ABTB2: variants seen among roughly 807,000 people sequenced by gnomAD.
ABTB2 encodes the protein ankyrin repeat and BTB/POZ domain-containing protein 2.
In ABTB2, 56 loss-of-function variants were observed where a neutral mutation model predicts 104.1. The ratio of observed to expected loss-of-function variants is 0.54; its 90% CI spans 0.43 to 0.67. The LOEUF is 0.67. ABTB2 is among the 30% of genes least tolerant of loss of function. The pLI is 0.00. For missense variants in ABTB2, 1,279 were observed against 1,407.7 expected (o/e 0.91, Z 1.46); for synonymous variants, 606 against 608.2 (o/e 1.00, Z 0.05).
At chr11:34,318,738 G>T (rs1000444259) in intron 1 of ABTB2, among the ~76,000 whole-genome samples, 1 of 152,206 alleles carries the variant, frequency 6.6e-6, no homozygotes, top group African/African-American at 2.4e-5. Flanking sequence ...AATGCCAGCT[G>T]GGGAGTCAGA....
chr11:34,215,382 G>A (rs569001816), intron 1 of ABTB2, among the ~76,000 whole-genome samples: 1 of 152,358 alleles, frequency 6.6e-6, no homozygotes, highest in Admixed American at 6.5e-5. Flanking sequence ...TTAAGGAAAA[G>A]ATGCAAACAT....
At chr11:34,235,852 G>A (rs1853836120) in intron 1 of ABTB2, among the ~76,000 whole-genome samples, 1 of 152,190 alleles carries the variant, frequency 6.6e-6, no homozygotes, top group African/African-American at 2.4e-5. Context: ...CCCAGGTAAG[G>A]AGACCAAGCT....
chr11:34,181,467 C>T (rs942735077), intron 3 of ABTB2, among the ~76,000 whole-genome samples: 3 of 152,120 alleles, frequency 2.0e-5, no homozygotes, highest in Admixed American at 2.0e-4. Flanking sequence ...CCACATGACC[C>T]GGGCCCCAAG....
intron 1 of ABTB2, among the ~76,000 whole-genome samples, chr11:34,267,210 G>A (rs1036076005): frequency 7.2e-5 from 11 of 152,288 alleles, no homozygotes; most frequent in African/African-American, 2.4e-4. Flanking sequence ...TCAAATTCTG[G>A]GTGCTCGAGA....
intron 1 of ABTB2, among the ~76,000 whole-genome samples, chr11:34,301,410 A>T (rs961364046): frequency 2.6e-5 from 4 of 152,188 alleles, no homozygotes; most frequent in Admixed American, 6.5e-5. Context: ...ACAAGATTTT[A>T]AAAAAATCTA....
intron 1 of ABTB2, among the ~76,000 whole-genome samples, chr11:34,231,322 C>T (rs1253387379): frequency 6.6e-6 from 1 of 152,070 alleles, no homozygotes; most frequent in African/African-American, 2.4e-5. Flanking sequence ...GAGAATAAAC[C>T]AATCAATCTT....
intron 1 of ABTB2, among the ~76,000 whole-genome samples, chr11:34,291,670 A>T (rs892313671): frequency 2.6e-5 from 4 of 151,636 alleles, no homozygotes; most frequent in African/African-American, 9.7e-5. Context: ...TAATTTTTGT[A>T]GTTTTAGTAG....
intron 1 of ABTB2, among the ~76,000 whole-genome samples, chr11:34,290,700 CAAAG>C (rs527372410): frequency 1.3e-4 from 19 of 151,772 alleles, no homozygotes; most frequent in Non-Finnish European, 1.2e-4. Context: ...AAAAGAAAAA[CAAAG>C]AAAGAAAGAA....
At chr11:34,294,377 T>G (rs546522965) in intron 1 of ABTB2, among the ~76,000 whole-genome samples, 1 of 152,128 alleles carries the variant, frequency 6.6e-6, no homozygotes, top group African/African-American at 2.4e-5. Context: ...GGCCTTTGAG[T>G]CTGACAATAC....
chr11:34,184,835 C>T (rs757862388), intron 3 of ABTB2, among the ~76,000 whole-genome samples: 3 of 152,256 alleles, frequency 2.0e-5, no homozygotes, highest in Non-Finnish European at 2.9e-5. Flanking sequence ...GCCAGGGACT[C>T]GCTTTCTTCT....
At chr11:34,308,882 A>AAAAAAAAAG (rs1252511057) in intron 1 of ABTB2, among the ~76,000 whole-genome samples, 119 of 150,910 alleles carry the variant, frequency 7.9e-4, no homozygotes, top group East Asian at 5.1e-3. Context: ...AAAAAAAAAA[A>AAAAAAAAAG]AAAAAGAAAA....
chr11:34,168,812 C>T (rs1238988094), intron 5 of ABTB2, among the ~76,000 whole-genome samples: 3 of 152,218 alleles, frequency 2.0e-5, no homozygotes, highest in African/African-American at 7.2e-5. Context: ...GGGCAGTTGG[C>T]GGGGCCGCCT....
chr11:34,267,741 T>C (rs904406928), intron 1 of ABTB2, among the ~76,000 whole-genome samples: 46 of 152,322 alleles, frequency 3.0e-4, no homozygotes, highest in African/African-American at 7.7e-4. Context: ...AGTGTTCTTA[T>C]GCTTTCCAGG....
intron 3 of ABTB2, among the ~76,000 whole-genome samples, 187 bp downstream of exon 3, chr11:34,197,138 A>G (rs956375724): frequency 6.6e-6 from 1 of 151,796 alleles, no homozygotes; most frequent in South Asian, 2.1e-4. Context: ...AGGAAAAAAA[A>G]ATCCCACTGC....
chr11:34,335,792 ACCT>A, intron 1 of ABTB2: 1 of 1,366,310 alleles, frequency 7.3e-7, no homozygotes, highest in South Asian at 1.2e-5. Flanking sequence ...GGAAGCTTGA[ACCT>A]CTGATCTTGA....
At chr11:34,182,496 C>CTGGGGGGGGG (rs1375698418) in intron 3 of ABTB2, among the ~76,000 whole-genome samples, 4 of 84,904 alleles carry the variant, frequency 4.7e-5, no homozygotes, top group African/African-American at 3.1e-4. Context: ...ATTGGGTTCT[C>CTGGGGGGGGG]TGGGGGGGGG....
intron 1 of ABTB2, among the ~76,000 whole-genome samples, chr11:34,275,644 G>T (rs1357200302): frequency 3.9e-5 from 6 of 152,136 alleles, no homozygotes; most frequent in African/African-American, 1.2e-4. Flanking sequence ...TGTGGATCCC[G>T]ACTCCGTGCT....
At chr11:34,307,099 CT>C (rs1303768321) in intron 1 of ABTB2, among the ~76,000 whole-genome samples, 1 of 151,906 alleles carries the variant, frequency 6.6e-6, no homozygotes, top group Non-Finnish European at 1.5e-5. Context: ...ATGAATTCGT[CT>C]GTTAGATCCT....
intron 2 of ABTB2, among the ~76,000 whole-genome samples, chr11:34,198,687 G>T (rs1426267664): frequency 6.6e-6 from 1 of 152,122 alleles, no homozygotes; most frequent in African/African-American, 2.4e-5. Flanking sequence ...GGATCCTTAG[G>T]TCCCCATATC....
Sources: allele counts gnomAD v4.1 joint callset (sites outside exome capture counted in the v4.1 genomes callset), GRCh38; gene constraint gnomAD v4.1.1; transcripts MANE v1.5; gene names NCBI Gene and HGNC (gene_info 2026-07-23, HGNC 2026-07-21).